AGK: variants seen among roughly 807,000 people sequenced by gnomAD.
AGK encodes the protein acylglycerol kinase.
A neutral mutation model predicts 66.4 loss-of-function variants in AGK; 52 were observed. That is an observed-to-expected ratio of 0.78 (90% CI 0.63 to 0.99). AGK has a LOEUF of 0.99. Among genes scored for constraint, AGK ranks in the 50% least tolerant of loss-of-function variants. The pLI is 0.00. For missense variants in AGK, 451 were observed against 506.6 expected, an observed-to-expected ratio of 0.89 and a Z score of 1.05; for synonymous variants, 182 against 181.1, an observed-to-expected ratio of 1.00 and a Z score of -0.04.
rs1328524400 is a variant in AGK at position 141,654,457 on chromosome 7, T to G, written c.*1533T>G. On this transcript the variant is annotated 3_prime_UTR_variant, in exon 16 of 16. Transcript: ENST00000649286. ...TTTGGCATTTTGACAAAGATCACAGTGCTCTATCATCAAGAATTATTAATG... is the reference window on the plus strand; with the variant it reads ...TTTGGCATTTTGACAAAGATCACAGGGCTCTATCATCAAGAATTATTAATG... 6.6e-6 allele frequency: 1 copy of G among 152,228 alleles called. No homozygotes were observed. 9.4% of individuals were successfully genotyped at this position (152,228 alleles called of 1,614,324 possible). A position where few individuals can be genotyped will look rare whatever the true frequency, so the allele number is the denominator to read the frequency against.
chr7:141,605,160 C>T (rs906163892), intron 5 of AGK, among the ~76,000 whole-genome samples: 9 of 152,094 alleles, frequency 5.9e-5, no homozygotes, highest in African/African-American at 1.9e-4. Flanking sequence ...CCAGGTAGCA[C>T]GCATTTCGGT....
intron 2 of AGK, among the ~76,000 whole-genome samples, chr7:141,577,755 G>A (rs1292818448): frequency 1.3e-5 from 2 of 151,804 alleles, no homozygotes; most frequent in Non-Finnish European, 2.9e-5. Flanking sequence ...GGACCCCTTA[G>A]TCTTGGCTGT....
intron 5 of AGK, 35 bp from the exon 6 acceptor site, chr7:141,611,160 T>G (rs890904412): frequency 1.2e-5 from 17 of 1,463,046 alleles, no homozygotes; most frequent in Non-Finnish European, 1.5e-5. Flanking sequence ...GGCTCTAGGT[T>G]GATAAACTCA....
intron 8 of AGK, among the ~76,000 whole-genome samples, chr7:141,617,441 A>T (rs1016696777): frequency 1.3e-5 from 2 of 152,226 alleles, no homozygotes; most frequent in African/African-American, 4.8e-5. Flanking sequence ...TAATCCAGGA[A>T]GTCTGTCCTG....
intron 2 of AGK, among the ~76,000 whole-genome samples, chr7:141,582,203 G>C (rs1288130571): frequency 6.6e-6 from 1 of 152,040 alleles, no homozygotes; most frequent in African/African-American, 2.4e-5. Context: ...GGAATCCCGG[G>C]CTGCGGACAT....
At chr7:141,650,010 A>G (rs1797517571) in intron 14 of AGK, among the ~76,000 whole-genome samples, 1 of 152,220 alleles carries the variant, frequency 6.6e-6, no homozygotes, top group African/African-American at 2.4e-5. Flanking sequence ...ATCCTCCTTC[A>G]GGGCATCTGA....
At chr7:141,563,026 G>A (rs115872256) in intron 2 of AGK, among the ~76,000 whole-genome samples, 1,873 of 152,310 alleles carry the variant, frequency 0.012, 46 homozygotes, top group African/African-American at 0.041. Context: ...CAGTGGGGAT[G>A]TGTGTTCAGA....
chr7:141,618,827 C>T (rs117017168), intron 8 of AGK, among the ~76,000 whole-genome samples: 1,801 of 152,198 alleles, frequency 0.012, 38 homozygotes, highest in South Asian at 0.11. Flanking sequence ...TTCTAAATGA[C>T]TTCTACTTGT....
At chr7:141,576,613 G>C (rs1795744457) in intron 2 of AGK, among the ~76,000 whole-genome samples, 1 of 150,054 alleles carries the variant, frequency 6.7e-6, no homozygotes, top group Non-Finnish European at 1.5e-5. Flanking sequence ...ACTAGATACT[G>C]ATACTAGAGA....
intron 13 of AGK, 150 bp from the exon 14 acceptor site, chr7:141,649,113 A>T (rs1797488066): frequency 1.2e-5 from 5 of 404,648 alleles, no homozygotes; most frequent in East Asian, 3.7e-5. Flanking sequence ...AAAAAAAAAG[A>T]TTGAAAATAG....
Position 141,555,657 on chromosome 7 carries a change from A to C in AGK, c.101+90A>C. The C allele has an allele frequency of 1.1e-6, 1 of 911,226 alleles. No individual in the cohort carries two copies. Among genetic ancestry groups the C allele is most frequent in the Non-Finnish European group, 1.7e-6 (1 of 583,606 alleles). The allele number at this position is 911,226 out of a possible 1,614,324, so 56.4% of individuals were successfully genotyped here. A position where few individuals can be genotyped will look rare whatever the true frequency, so the allele number is the denominator to read the frequency against. On this transcript the variant is annotated intron_variant, in intron 2 of 15. Transcript: ENST00000649286. The surrounding 1 kb of genome is among the most constrained non-coding windows in gnomAD (Gnocchi z 4.2). Reference sequence around the variant, plus strand: ...GTTAAAATCTTGCTCAGCTGTGCTTATCCCTATAAAACATGTGGTGTAAAA... The same window carrying C: ...GTTAAAATCTTGCTCAGCTGTGCTTCTCCCTATAAAACATGTGGTGTAAAA...
At position 141,558,375 on chromosome 7, in the gene AGK, C is replaced by T. The variant is rs934568188; in HGVS notation, c.101+2808C>T. On this transcript the variant is annotated intron_variant, in intron 2 of 15. Coordinates refer to ENST00000649286, the MANE Select transcript of AGK (RefSeq NM_018238.4). Reference sequence around the variant, plus strand: ...TTTTTTTTTTTTAACCATGTTGGCCCGCTGGTCTCGAACTCCTGACCTCAG... The same window carrying T: ...TTTTTTTTTTTTAACCATGTTGGCCTGCTGGTCTCGAACTCCTGACCTCAG... Among the ~76,000 whole-genome samples, 13 of 151,340 alleles carry T rather than the reference C, an allele frequency of 8.6e-5. No individual in the cohort carries two copies. In the South Asian group the frequency reaches 1.0e-3, roughly 12 times the overall value.
At chr7:141,586,629 T>C (rs1795999967) in intron 2 of AGK, among the ~76,000 whole-genome samples, 1 of 152,150 alleles carries the variant, frequency 6.6e-6, no homozygotes, top group Admixed American at 6.5e-5. Context: ...ATGGGTTGTA[T>C]TGTGCTTGGC....
rs560026996 is a variant in AGK at position 141,562,180 on chromosome 7, A to G, written c.101+6613A>G. 5.2e-4 allele frequency: 238 copies of G among 454,402 alleles called. 4 individuals carry two copies. Among genetic ancestry groups the G allele is most frequent in the South Asian group, 3.6e-3 (232 of 64,462 alleles). 28.1% of individuals were successfully genotyped at this position (454,402 alleles called of 1,614,324 possible). ...AAGTTGTCACATGGATAGACTCAGGACCTTTGGTTAGCCAGGATGTTGCAG... is the reference window on the plus strand; with the variant it reads ...AAGTTGTCACATGGATAGACTCAGGGCCTTTGGTTAGCCAGGATGTTGCAG... On this transcript the variant is annotated intron_variant, in intron 2 of 15. Coordinates refer to ENST00000649286, the MANE Select transcript of AGK (RefSeq NM_018238.4).
At chr7:141,637,082 T>C in intron 11 of AGK, 65 bp downstream of exon 11, 1 of 1,362,680 alleles carries the variant, frequency 7.3e-7, no homozygotes, top group South Asian at 1.2e-5. Context: ...AATGCATATA[T>C]TTGGTATTTT....
rs372750136 is a variant in AGK at position 141,649,346 on chromosome 7, G to C, written c.1046+13G>C. Reference sequence around the variant, plus strand: ...TTATAACTATAGGGTAAGTGGACTGGGGTTCACAGGAAATGAGGCTTGTGA... The same window carrying C: ...TTATAACTATAGGGTAAGTGGACTGCGGTTCACAGGAAATGAGGCTTGTGA... On this transcript the variant is annotated intron_variant, in intron 14 of 15. Coordinates refer to ENST00000649286, the MANE Select transcript of AGK (RefSeq NM_018238.4). 68 of 1,593,314 alleles carry C rather than the reference G, an allele frequency of 4.3e-5. 1 individual carries two copies. The South Asian group carries it at 7.2e-4, about 17-fold the overall frequency.
intron 3 of AGK, among the ~76,000 whole-genome samples, chr7:141,596,010 G>A (rs113659172): frequency 1.6e-4 from 24 of 152,278 alleles, no homozygotes; most frequent in Middle Eastern, 3.4e-3. Context: ...CAAATAAAAG[G>A]TGCTTGGTAT....
At chr7:141,634,501 C>T (rs906924432) in intron 10 of AGK, among the ~76,000 whole-genome samples, 8 of 152,286 alleles carry the variant, frequency 5.3e-5, no homozygotes, top group South Asian at 2.1e-4. Flanking sequence ...ACAGGCCTAT[C>T]GAGGAGCTGA....
intron 14 of AGK, among the ~76,000 whole-genome samples, 154 bp downstream of exon 14, chr7:141,649,487 G>A (rs1797501200): frequency 6.6e-6 from 1 of 152,214 alleles, no homozygotes; most frequent in Non-Finnish European, 1.5e-5. Flanking sequence ...CTGACATGTA[G>A]AGTGCCCCTC....
Sources: gnomAD v4.1 joint callset for allele counts (sites outside exome capture counted in the v4.1 genomes callset) on GRCh38, gnomAD v4.1.1 for gene constraint, Gnocchi (gnomAD v3.1) non-coding constraint, MANE v1.5 for transcripts, NCBI Gene and HGNC (gene_info 2026-07-23, HGNC 2026-07-21) for gene names.